SNTG1: variants seen among roughly 807,000 people sequenced by gnomAD.
SNTG1 encodes the protein syntrophin gamma 1, also known as gamma-1-syntrophin.
A neutral mutation model predicts 74.7 loss-of-function variants in SNTG1; 39 were observed. The observed-to-expected ratio is 0.52, with a 90% CI of 0.40 to 0.68. The LOEUF is 0.68. Among genes scored for constraint, SNTG1 ranks in the 30% least tolerant of loss-of-function variants. SNTG1 has a pLI of 0.00. For synonymous variants in SNTG1, 254 were observed against 217.1 expected (o/e 1.17, Z -1.49); for missense variants, 685 against 609.5 (o/e 1.12, Z -1.30).
At chr8:50,241,829 G>A (rs1431576038) in intron 2 of SNTG1, among the ~76,000 whole-genome samples, 1 of 152,074 alleles carries the variant, frequency 6.6e-6, no homozygotes, top group African/African-American at 2.4e-5. Context: ...GCTCGGAAGT[G>A]CCTCAGAGTA....
At chr8:50,678,117 G>T (rs144167924) in intron 15 of SNTG1, among the ~76,000 whole-genome samples, 33 of 151,476 alleles carry the variant, frequency 2.2e-4, no homozygotes, top group African/African-American at 7.7e-4. Flanking sequence ...TAGAAAAAAA[G>T]AAAGAAAAGA....
chr8:50,750,708 A>C (rs1411234233), intron 17 of SNTG1, among the ~76,000 whole-genome samples: 1 of 152,016 alleles, frequency 6.6e-6, no homozygotes, highest in Non-Finnish European at 1.5e-5. Context: ...TTAGTAATAA[A>C]TTATATTTTA....
intron 2 of SNTG1, among the ~76,000 whole-genome samples, chr8:50,243,256 T>C (rs2086245496): frequency 6.6e-6 from 1 of 152,206 alleles, no homozygotes; most frequent in African/African-American, 2.4e-5. Context: ...TATGTGACAG[T>C]ATTATCTGAC....
intron 5 of SNTG1, among the ~76,000 whole-genome samples, chr8:50,446,663 C>T (rs535573210): frequency 1.1e-4 from 16 of 151,832 alleles, no homozygotes; most frequent in Non-Finnish European, 1.8e-4. Flanking sequence ...GTGAACAGAG[C>T]GAGACTCCCT....
intron 2 of SNTG1, among the ~76,000 whole-genome samples, chr8:50,262,521 C>T (rs1480455003): frequency 6.6e-6 from 1 of 152,150 alleles, no homozygotes; most frequent in Non-Finnish European, 1.5e-5. Context: ...CGCCATTCTC[C>T]TGCTCAGCCT....
intron 2 of SNTG1, among the ~76,000 whole-genome samples, chr8:50,334,257 T>C (rs996676000): frequency 6.6e-6 from 1 of 152,180 alleles, no homozygotes; most frequent in African/African-American, 2.4e-5. Context: ...CCCCCTTGAA[T>C]TCAGCCTCTT....
intron 2 of SNTG1, among the ~76,000 whole-genome samples, chr8:50,201,237 TA>T (rs1382926002): frequency 6.6e-6 from 1 of 152,196 alleles, no homozygotes; most frequent in Admixed American, 6.5e-5. Context: ...CCCAGAAATT[TA>T]AGTGATATTT....
At chr8:50,183,004 G>A (rs930607256) in intron 2 of SNTG1, among the ~76,000 whole-genome samples, 6 of 152,014 alleles carry the variant, frequency 3.9e-5, no homozygotes, top group Admixed American at 1.3e-4. Flanking sequence ...CATACCAAGT[G>A]GTGGCCAACT....
chr8:50,129,029 T>G (rs4873406), intron 1 of SNTG1, among the ~76,000 whole-genome samples: 2 of 151,896 alleles, frequency 1.3e-5, no homozygotes, highest in Non-Finnish European at 2.9e-5. Context: ...CAGAACATCA[T>G]TTGATGAAGA....
intron 1 of SNTG1, among the ~76,000 whole-genome samples, chr8:49,922,260 C>A (rs1375995010): frequency 1.3e-5 from 2 of 152,114 alleles, no homozygotes; most frequent in African/African-American, 4.8e-5. Flanking sequence ...CACTCAGATT[C>A]TCCAGATAAT....
chr8:50,776,236 A>G (rs1373253434), intron 18 of SNTG1, among the ~76,000 whole-genome samples: 1 of 150,506 alleles, frequency 6.6e-6, no homozygotes, highest in East Asian at 1.9e-4. Flanking sequence ...TATCCATAGC[A>G]TTTTTGAGCA....
intron 2 of SNTG1, among the ~76,000 whole-genome samples, chr8:50,190,135 A>C (rs2083514814): frequency 6.6e-6 from 1 of 152,158 alleles, no homozygotes. Context: ...CTGGAATTCA[A>C]AGATGGATAC....
intron 1 of SNTG1, among the ~76,000 whole-genome samples, chr8:50,154,794 C>G (rs1011363525): frequency 2.0e-5 from 3 of 152,050 alleles, no homozygotes; most frequent in African/African-American, 7.2e-5. Flanking sequence ...TTGGAAGTGA[C>G]CAAGAAAACA....
intron 2 of SNTG1, among the ~76,000 whole-genome samples, chr8:50,190,421 A>T (rs1243775364): frequency 1.3e-5 from 2 of 152,128 alleles, no homozygotes; most frequent in Non-Finnish European, 2.9e-5. Context: ...GCCCAATTTA[A>T]GTCTATTGTT....
chr8:50,019,900 G>A (rs1816667840), intron 1 of SNTG1, among the ~76,000 whole-genome samples: 1 of 152,038 alleles, frequency 6.6e-6, no homozygotes, highest in South Asian at 2.1e-4. Context: ...TCTAAACAGA[G>A]GTGTTATTTT....
chr8:50,087,301 C>T (rs1032784799), intron 1 of SNTG1, among the ~76,000 whole-genome samples: 5 of 152,064 alleles, frequency 3.3e-5, no homozygotes, highest in East Asian at 1.9e-4. Flanking sequence ...AGTTTGTCTT[C>T]GATTGTAACA....
At chr8:50,071,042 A>C (rs1821318859) in intron 1 of SNTG1, among the ~76,000 whole-genome samples, 1 of 152,168 alleles carries the variant, frequency 6.6e-6, no homozygotes. Context: ...TCCGTGTTCT[A>C]AGGCCTGGAC....
chr8:50,171,360 T>C (rs997086780), intron 1 of SNTG1, among the ~76,000 whole-genome samples: 5 of 152,118 alleles, frequency 3.3e-5, no homozygotes, highest in Non-Finnish European at 2.9e-5. Context: ...GCTGAAGAAC[T>C]TGGAGTCTGA....
intron 2 of SNTG1, among the ~76,000 whole-genome samples, chr8:50,303,188 C>T (rs920340200): frequency 1.3e-5 from 2 of 151,612 alleles, no homozygotes; most frequent in African/African-American, 4.8e-5. Context: ...CAATGGACTC[C>T]CTGATTATTT....
Sources: gnomAD v4.1 joint callset for allele counts (sites outside exome capture counted in the v4.1 genomes callset) on GRCh38, gnomAD v4.1.1 for gene constraint, MANE v1.5 for transcripts, NCBI Gene and HGNC (gene_info 2026-07-23, HGNC 2026-07-21) for gene names.